The following SPATA13 variants were observed in gnomAD, a reference collection of about 807,000 sequenced individuals.
SPATA13 encodes the protein spermatogenesis associated 13.
In SPATA13, 50 loss-of-function variants were observed where a neutral mutation model predicts 104.0. The ratio of observed to expected loss-of-function variants is 0.48; its 90% CI spans 0.38 to 0.61. The LOEUF is 0.61. Among genes scored for constraint, SPATA13 ranks in the 20% least tolerant of loss-of-function variants. SPATA13 has a pLI of 0.00. For synonymous variants in SPATA13, 606 were observed against 667.5 expected, an observed-to-expected ratio of 0.91 and a Z score of 1.42; for missense variants, 1,524 against 1,690.6, an observed-to-expected ratio of 0.90 and a Z score of 1.73.
At chr13:24,158,532 G>A (rs1182265051), upstream of SPATA13, among the ~76,000 whole-genome samples, 1 of 152,200 alleles carries the variant, frequency 6.6e-6, no homozygotes, top group Non-Finnish European at 1.5e-5. Flanking sequence ...GTTGGACTGC[G>A]CCGCCTCTTC....
rs1405477654 is a variant in SPATA13, at chr13:24,126,236, G to A, written c.-111-96583G>A. ...GGAGCCATGGGGAGCCTTTGCGGCT[G>A]TGACCCATGATTGAGTCTGGGGGAG... On this transcript the variant is annotated intron_variant, in intron 3 of 14. Coordinates refer to the SPATA13 transcript ENST00000424834. Among the ~76,000 whole-genome samples the A allele has an allele frequency of 3.3e-5, 5 of 152,194 alleles. No individual in the cohort carries two copies. In the South Asian group the frequency reaches 1.0e-3, roughly 32 times the overall value.
intron 3 of SPATA13, among the ~76,000 whole-genome samples, chr13:24,101,567 C>A (rs964459389): frequency 2.6e-5 from 4 of 152,180 alleles, no homozygotes; most frequent in Admixed American, 1.3e-4. Flanking sequence ...TATGCACATT[C>A]TCATGCAGAA....
chr13:24,183,032 T>C (rs1331136525), intron 1 of SPATA13, among the ~76,000 whole-genome samples: 2 of 152,200 alleles, frequency 1.3e-5, no homozygotes, highest in Non-Finnish European at 2.9e-5. Context: ...CTTACATATA[T>C]TCCTCATTCA....
chr13:24,180,381 G>A (rs1868723104), intron 1 of SPATA13, among the ~76,000 whole-genome samples: 1 of 152,180 alleles, frequency 6.6e-6, no homozygotes, highest in African/African-American at 2.4e-5. Flanking sequence ...GTACCACACT[G>A]TCTTGATTCC....
rs74333469 is a variant in SPATA13 at position 24,030,909 on chromosome 13, C to A, written c.-112+13208C>A. On this transcript the variant is annotated intron_variant, in intron 3 of 14. Transcript: ENST00000424834. ...CTATTTTTCTAATTTTACAGAGAACCCTGAGATTTTAAAAGGTTAAATAAT... is the reference window on the plus strand; with the variant it reads ...CTATTTTTCTAATTTTACAGAGAACACTGAGATTTTAAAAGGTTAAATAAT... Among the ~76,000 whole-genome samples the A allele has an allele frequency of 9.1e-3, 1,386 of 152,180 alleles. 25 individuals carry two copies. Among genetic ancestry groups the A allele is most frequent in the African/African-American group, 0.032 (1,309 of 41,506 alleles).
intron 1 of SPATA13, among the ~76,000 whole-genome samples, chr13:24,184,441 C>A (rs531426207): frequency 2.0e-5 from 3 of 152,196 alleles, no homozygotes; most frequent in Non-Finnish European, 4.4e-5. Flanking sequence ...CCAGCAGATA[C>A]CCTCATTTGG....
At chr13:24,231,731 G>A (rs536869331) in intron 2 of SPATA13, among the ~76,000 whole-genome samples, 2 of 152,220 alleles carry the variant, frequency 1.3e-5, no homozygotes, top group African/African-American at 2.4e-5. Context: ...CATTGTATAA[G>A]GGTTCCAATT....
At position 24,224,099 on chromosome 13, in the gene SPATA13, C is replaced by T. The variant is rs1216338357; in HGVS notation, c.1170C>T (p.Ala390=). 9.0e-6 allele frequency: 14 copies of T among 1,551,432 alleles called. No individual in the cohort carries two copies. Among genetic ancestry groups the T allele is most frequent in the Non-Finnish European group, 1.2e-5 (14 of 1,146,974 alleles). The part of the protein sequence containing the change: ...MHGTTATCTV[A]PGFGSATSKG... ...GGACCACTGCAACCTGCACCGTGGC[C>T]CCCGGTTTCGGCTCAGCCACCTCTA... is the stretch of plus-strand genomic sequence containing the variant. Residue 390 remains alanine, a synonymous_variant, in exon 2 of 13, where the codon GCC becomes GCT. Transcript: ENST00000382108.
chr13:24,209,068 A>C (rs7331947), intron 1 of SPATA13, among the ~76,000 whole-genome samples: 49,000 of 152,096 alleles, frequency 0.32, 9,525 homozygotes, highest in East Asian at 0.62. Context: ...GCCACTGTTG[A>C]TGAGCTCTCA....
At chr13:24,287,611 A>G (rs1387994613) in intron 7 of SPATA13, among the ~76,000 whole-genome samples, 1 of 152,230 alleles carries the variant, frequency 6.6e-6, no homozygotes, top group African/African-American at 2.4e-5. Flanking sequence ...GCTGCATCTA[A>G]TCACCAACTG....
chr13:24,145,746 G>A lies in SPATA13; in HGVS notation c.-111-77073G>A, dbSNP rs568091732. The stretch of plus-strand genomic sequence containing the variant: ...TGTGCATGATCAATAAATAGAGAAC[G>A]GCTAATTTTCAAATTGGTGATGCTG... On this transcript the variant is annotated intron_variant, in intron 3 of 14. Coordinates refer to the SPATA13 transcript ENST00000424834. Among the ~76,000 whole-genome samples the A allele has an allele frequency of 1.2e-4, 19 of 152,292 alleles. No individual in the cohort carries two copies. The South Asian group carries it at 2.1e-3, about 17-fold the overall frequency.
In SPATA13 at chr13:24,026,233, A is replaced by G. The variant is rs530325521; in HGVS notation, c.-112+8532A>G. 1.8e-4 allele frequency among the ~76,000 whole-genome samples: 28 copies of G among 152,272 alleles called. No individual in the cohort carries two copies. The South Asian group carries it at 5.4e-3, about 29-fold the overall frequency. ...TTCCGTCTTTTTCCTTTTATGATTA[A>G]TGCTTCTTGTGAGTTAAGAAATCCT... On this transcript the variant is annotated intron_variant, in intron 3 of 14. Transcript: ENST00000424834.
At chr13:24,182,411 A>G (rs1047587197) in intron 1 of SPATA13, among the ~76,000 whole-genome samples, 2 of 152,142 alleles carry the variant, frequency 1.3e-5, no homozygotes, top group African/African-American at 4.8e-5. Flanking sequence ...GCCTCCAGTG[A>G]GGCCTCAGGA....
chr13:24,001,475 C>T (rs574556581), intron 2 of SPATA13, among the ~76,000 whole-genome samples: 10 of 151,626 alleles, frequency 6.6e-5, no homozygotes, highest in South Asian at 2.1e-4. Flanking sequence ...GTGGAGATTG[C>T]GTTAAGGAGT....
intron 1 of SPATA13, among the ~76,000 whole-genome samples, chr13:24,177,182 C>A (rs1253745258): frequency 6.6e-6 from 1 of 152,300 alleles, no homozygotes; most frequent in African/African-American, 2.4e-5. Context: ...ATAGTGGACA[C>A]AAACGTTGCT....
At chr13:24,254,008 T>C (rs1218059866) in intron 4 of SPATA13, among the ~76,000 whole-genome samples, 1 of 151,980 alleles carries the variant, frequency 6.6e-6, no homozygotes, top group African/African-American at 2.4e-5. Context: ...GGTTTATGCT[T>C]AGAGAGGGAG....
chr13:23,980,274 G>A (rs969175722), intron 1 of SPATA13, among the ~76,000 whole-genome samples: 1 of 152,258 alleles, frequency 6.6e-6, no homozygotes, highest in Non-Finnish European at 1.5e-5. Context: ...GTTGCACAAA[G>A]CCAGCCTGGC....
intron 1 of SPATA13, among the ~76,000 whole-genome samples, chr13:24,215,881 G>C (rs1357419670): frequency 6.6e-6 from 1 of 152,174 alleles, no homozygotes; most frequent in African/African-American, 2.4e-5. Context: ...TGGTAAATGT[G>C]GGGGAGGTGC....
At chr13:24,232,916 TG>T (rs1458160189) in intron 2 of SPATA13, among the ~76,000 whole-genome samples, 2 of 152,348 alleles carry the variant, frequency 1.3e-5, no homozygotes, top group Middle Eastern at 3.4e-3. Flanking sequence ...ACCAAATTTT[TG>T]TAGTTTTCTG....
Sources: gnomAD v4.1 joint callset for allele counts (sites outside exome capture counted in the v4.1 genomes callset) on GRCh38, gnomAD v4.1.1 for gene constraint, MANE v1.5 for transcripts, NCBI Gene and HGNC (gene_info 2026-07-23, HGNC 2026-07-21) for gene names.